Variants in PCYOX1L observed in about 807,000 individuals in gnomAD.
PCYOX1L encodes prenylcysteine oxidase 1 like, also known as prenylcysteine oxidase 1-like.
A neutral mutation model predicts 44.1 loss-of-function variants in PCYOX1L; 40 were observed. The ratio of observed to expected loss-of-function variants is 0.91; its 90% CI spans 0.70 to 1.18. PCYOX1L has a LOEUF of 1.18. PCYOX1L is among the 50% of genes most tolerant of loss of function. The pLI is 0.00. For missense variants in PCYOX1L, 605 were observed against 653.3 expected (o/e 0.93, Z 0.81); for synonymous variants, 266 against 282.8 (o/e 0.94, Z 0.60).
In PCYOX1L at chr5:149,369,048, A is replaced by C. The variant is rs1214754247; in HGVS notation, c.*394A>C. On this transcript the variant is annotated 3_prime_UTR_variant, in exon 6 of 6. Transcript: ENST00000274569. ...TTCACTACCTACTCCCACAATGGAC[A>C]ATCAATTGAGGCAACCTACAAGAAA... 1 of 159,178 alleles carries C rather than the reference A, an allele frequency of 6.3e-6. No individual in the cohort carries two copies. The highest frequency in any genetic ancestry group is 1.4e-5 in the Non-Finnish European group (1 of 73,122). 9.9% of individuals were successfully genotyped at this position (159,178 alleles called of 1,614,324 possible).
Position 149,368,440 on chromosome 5 carries a change from C to T in PCYOX1L, c.1271C>T (p.Ala424Val). Reference protein sequence around the residue: ...YYSVQTAEWQAHPLYGSRPTL... With the variant: ...YYSVQTAEWQVHPLYGSRPTL... ...TCAGTGCAGACAGCTGAGTGGCAGGCCCATCCCCTCTATGGCTCCCGCCCC... is the reference window on the plus strand; with the variant it reads ...TCAGTGCAGACAGCTGAGTGGCAGGTCCATCCCCTCTATGGCTCCCGCCCC... Residue 424 changes from alanine (A) to valine (V), a missense_variant, in exon 6 of 6, where the codon GCC becomes GTC. Transcript: ENST00000274569. 1 of 1,613,876 alleles carries T rather than the reference C, an allele frequency of 6.2e-7. No individual in the cohort carries two copies. The highest frequency in any genetic ancestry group is 8.5e-7 in the Non-Finnish European group (1 of 1,179,922).
chr5:149,358,552 C>A (rs1757918774), intron 1 of PCYOX1L, among the ~76,000 whole-genome samples: 1 of 103,216 alleles, frequency 9.7e-6, no homozygotes, highest in Non-Finnish European at 2.0e-5. Context: ...GTAGTTCCTG[C>A]TGGGGTAGAG....
At chr5:149,363,941 T>C (rs1561701499) in intron 2 of PCYOX1L, 95 bp from the exon 3 acceptor site, 2 of 1,403,454 alleles carry the variant, frequency 1.4e-6, no homozygotes, top group Non-Finnish European at 1.9e-6. Flanking sequence ...GAACAAACCA[T>C]AGCATTTGTG....
At chr5:149,358,681 A>G (rs1424357502) in intron 1 of PCYOX1L, among the ~76,000 whole-genome samples, 1 of 152,168 alleles carries the variant, frequency 6.6e-6, no homozygotes, top group Non-Finnish European at 1.5e-5. Flanking sequence ...ATCTAAGCCA[A>G]ACCACCCCCA....
chr5:149,364,375 G>A (rs574325401), intron 3 of PCYOX1L, 165 bp downstream of exon 3: 67 of 771,286 alleles, frequency 8.7e-5, no homozygotes, highest in South Asian at 5.2e-4. Flanking sequence ...AGGAATGGCC[G>A]TATTTGGTCC....
At chr5:149,362,243 A>G (rs1383685322) in intron 1 of PCYOX1L, 1 of 191,796 alleles carries the variant, frequency 5.2e-6, no homozygotes, top group Admixed American at 5.3e-5. Flanking sequence ...CTGGTTTCCA[A>G]ACACTGATCA....
chr5:149,363,833 A>C (rs1758102575), intron 2 of PCYOX1L: 2 of 592,892 alleles, frequency 3.4e-6, no homozygotes, highest in Non-Finnish European at 5.6e-6. Context: ...AAAAATGTAA[A>C]ATGTTACATT....
chr5:149,367,619 G>C (rs932437526), intron 5 of PCYOX1L, 119 bp downstream of exon 5: 16 of 1,382,150 alleles, frequency 1.2e-5, no homozygotes, highest in Non-Finnish European at 1.5e-5. Context: ...TTCCGAAAAA[G>C]CATTGAGAAG....
intron 5 of PCYOX1L, 112 bp downstream of exon 5, chr5:149,367,612 C>T (rs556531519): frequency 1.3e-5 from 18 of 1,439,814 alleles, no homozygotes; most frequent in South Asian, 5.4e-5. Context: ...GGAGTATTTC[C>T]GAAAAAGCAT....
chr5:149,364,253 G>C, intron 3 of PCYOX1L, 43 bp downstream of exon 3: 3 of 1,607,818 alleles, frequency 1.9e-6, no homozygotes, highest in African/African-American at 1.3e-5. Flanking sequence ...CAGGGGAACC[G>C]AGAAGAGGTG....
In PCYOX1L at chr5:149,362,817, A is replaced by G. The variant is rs1758055675; in HGVS notation, c.269A>G (p.His90Arg). The change falls in exon 2 of 6, where the codon CAC becomes CGC. Residue 90 changes from histidine to arginine, a missense_variant. Coordinates refer to ENST00000274569, the MANE Select transcript of PCYOX1L (RefSeq NM_024028.4). ...GCCTCCTTCCACTCCCTGAGCCTGC[A>G]CATGCAGGACTTCGTCAAGCTGCTG... ...GAASFHSLSL[H>R]MQDFVKLLGL... 3 of 1,614,096 alleles carry G rather than the reference A, an allele frequency of 1.9e-6. No homozygotes were observed. The highest frequency in any genetic ancestry group is 8.5e-7 in the Non-Finnish European group (1 of 1,180,038).
chr5:149,365,564 T>G, intron 3 of PCYOX1L: 1 of 268,608 alleles, frequency 3.7e-6, no homozygotes, highest in African/African-American at 2.2e-5. Flanking sequence ...TCCTAGAAGC[T>G]GTGGCAGAAC....
chr5:149,364,445 G>A, intron 3 of PCYOX1L: 1 of 441,982 alleles, frequency 2.3e-6, no homozygotes, highest in Non-Finnish European at 4.1e-6. Context: ...CTACTACACT[G>A]ATACTAATAA....
intron 1 of PCYOX1L, among the ~76,000 whole-genome samples, chr5:149,361,378 A>C (rs1245641649): frequency 6.6e-6 from 1 of 152,196 alleles, no homozygotes; most frequent in African/African-American, 2.4e-5. Context: ...TTTGAAAAAA[A>C]ACTGATTGAT....
chr5:149,362,316 G>T, intron 1 of PCYOX1L: 1 of 344,780 alleles, frequency 2.9e-6, no homozygotes, highest in Non-Finnish European at 5.5e-6. Context: ...TAGAAGCAAG[G>T]TAGTGAGTTT....
At position 149,365,935 on chromosome 5, in the gene PCYOX1L, C is replaced by T; in HGVS notation, c.471-7C>T. 1.2e-6 allele frequency: 2 copies of T among 1,614,052 alleles called. No homozygotes were observed. The highest frequency in any genetic ancestry group is 8.5e-7 in the Non-Finnish European group (1 of 1,179,956). ...GCACAAGGACTCCAGCTCTATGTGT[C>T]TTCTAGGATCTATAAGTACCAGGCC... is the stretch of plus-strand genomic sequence containing the variant. On this transcript the variant is annotated splice_polypyrimidine_tract_variant and splice_region_variant and intron_variant, in intron 3 of 5. Transcript: ENST00000274569.
intron 1 of PCYOX1L, among the ~76,000 whole-genome samples, chr5:149,359,557 G>C (rs148808600): frequency 1.3e-5 from 2 of 152,346 alleles, no homozygotes; most frequent in African/African-American, 4.8e-5. Context: ...AGTAAGCAGA[G>C]TGTGCTGTGG....
At position 149,358,475 on chromosome 5, in the gene PCYOX1L, C is replaced by T. The variant is rs977933099; in HGVS notation, c.88+319C>T. On this transcript the variant is annotated intron_variant, in intron 1 of 5. Coordinates refer to ENST00000274569, the MANE Select transcript of PCYOX1L (RefSeq NM_024028.4). The stretch of plus-strand genomic sequence containing the variant: ...GGCTAGGCGCCCGGGTGACAGAGGA[C>T]AGAGAGGCTGGGCGATGGCATTCAC... Among the ~76,000 whole-genome samples, 12 of 152,286 alleles carry T rather than the reference C, an allele frequency of 7.9e-5. No homozygotes were observed. In the East Asian group the frequency reaches 1.7e-3, roughly 22 times the overall value.
chr5:149,362,702 C>T lies in PCYOX1L; in HGVS notation c.154C>T (p.Arg52Trp), dbSNP rs762412025. The T allele has an allele frequency of 3.2e-5, 52 of 1,614,052 alleles. No homozygotes were observed. The highest frequency in any genetic ancestry group is 3.9e-5 in the Non-Finnish European group (46 of 1,180,050). Reference protein sequence around the residue: ...AHFLQQHFGPRVQIDVYEKGT... With the variant: ...AHFLQQHFGPWVQIDVYEKGT... ...TTTTCTCCAGCAGCACTTTGGACCT[C>T]GGGTGCAGATCGACGTGTACGAGAA... Residue 52 changes from arginine (R) to tryptophan (W), a missense_variant, in exon 2 of 6, where the codon CGG (arginine) becomes TGG (tryptophan). By Grantham distance (101) the Arg-to-Trp change is moderately radical (BLOSUM62 -3). Coordinates refer to ENST00000274569, the MANE Select transcript of PCYOX1L (RefSeq NM_024028.4).
Sources: allele counts gnomAD v4.1 joint callset (sites outside exome capture counted in the v4.1 genomes callset), GRCh38; gene constraint gnomAD v4.1.1; transcripts MANE v1.5; gene names NCBI Gene and HGNC (gene_info 2026-07-23, HGNC 2026-07-21).